Variants in KIAA2012 observed in about 807,000 individuals in gnomAD.
KIAA2012 encodes the protein uncharacterized protein KIAA2012.
A neutral mutation model predicts 150.6 loss-of-function variants in KIAA2012; 125 were observed. The ratio of observed to expected loss-of-function variants is 0.83; its 90% CI spans 0.72 to 0.96. The LOEUF is 0.96. KIAA2012 is among the 40% of genes least tolerant of loss of function. KIAA2012 has a pLI of 0.00. For synonymous variants in KIAA2012, 462 were observed against 504.7 expected, an observed-to-expected ratio of 0.92 and a Z score of 1.13; for missense variants, 1,219 against 1,354.9, an observed-to-expected ratio of 0.90 and a Z score of 1.57.
intron 15 of KIAA2012, chr2:202,179,129 TG>T: frequency 2.3e-6 from 1 of 443,436 alleles, no homozygotes; most frequent in Non-Finnish European, 4.2e-6. Context: ...GTTTTGAGGT[TG>T]GTTTTGTTTT....
intron 14 of KIAA2012, among the ~76,000 whole-genome samples, chr2:202,161,450 CAT>C (rs753353004): frequency 2.6e-4 from 39 of 152,084 alleles, no homozygotes; most frequent in East Asian, 5.8e-4. Context: ...AAAAATATAA[CAT>C]GTGCAATTTT....
Position 202,093,078 on chromosome 2 carries a change from C to T in KIAA2012, c.578C>T (p.Pro193Leu). The T allele has an allele frequency of 1.9e-6, 3 of 1,550,660 alleles. No homozygotes were observed. The highest frequency in any genetic ancestry group is 2.6e-6 in the Non-Finnish European group (3 of 1,146,978). ...CTCCAGGACAGTCAACTTAATGTAC[C>T]AAAGAAGCTCAGGCCACAACAAGAT... Reference protein sequence around the residue: ...VLLQDSQLNVPKKLRPQQDLS... With the variant: ...VLLQDSQLNVLKKLRPQQDLS... The change falls in exon 4 of 24, where the codon CCA (proline) becomes CTA (leucine). Residue 193 changes from proline to leucine, a missense_variant. By Grantham distance (98) the Pro-to-Leu change is moderately conservative (BLOSUM62 -3). Coordinates refer to ENST00000498697, the MANE Select transcript of KIAA2012 (RefSeq NM_001277372.4).
chr2:202,151,514 GCTCT>G (rs1157535175), intron 13 of KIAA2012, among the ~76,000 whole-genome samples: 2 of 151,768 alleles, frequency 1.3e-5, no homozygotes, highest in Admixed American at 1.3e-4. Context: ...TTGTCATCCA[GCTCT>G]CTCCTCAGAG....
At chr2:202,125,417 T>C in intron 12 of KIAA2012, 135 bp downstream of exon 12, 1 of 703,436 alleles carries the variant, frequency 1.4e-6, no homozygotes, top group Non-Finnish European at 2.4e-6. Flanking sequence ...GAGGATTTGC[T>C]TCTTGGAAAG....
At chr2:202,134,834 C>T (rs954558498) in intron 12 of KIAA2012, among the ~76,000 whole-genome samples, 4 of 152,224 alleles carry the variant, frequency 2.6e-5, no homozygotes, top group African/African-American at 9.6e-5. Context: ...GGATTACAGG[C>T]GTGAGCCACC....
In KIAA2012 at chr2:202,122,909, C is replaced by T. The variant is rs540552725; in HGVS notation, c.1763-2305C>T. Among the ~76,000 whole-genome samples the T allele has an allele frequency of 9.2e-5, 14 of 152,316 alleles. No homozygotes were observed. In the South Asian group the frequency reaches 2.7e-3, roughly 29 times the overall value. On this transcript the variant is annotated intron_variant, in intron 11 of 23. Transcript: ENST00000498697. ...ATTAAGCGAAAACAACAACTAAGGC[C>T]TGGAGCCCACATTGTCCCCACAGCA...
intron 14 of KIAA2012, among the ~76,000 whole-genome samples, chr2:202,157,681 C>A (rs1691557048): frequency 6.6e-6 from 1 of 152,188 alleles, no homozygotes; most frequent in African/African-American, 2.4e-5. Flanking sequence ...AAGTAACTTA[C>A]CGAATGTCAC....
At chr2:202,079,453 C>T (rs1689393705) in intron 2 of KIAA2012, among the ~76,000 whole-genome samples, 1 of 152,130 alleles carries the variant, frequency 6.6e-6, no homozygotes, top group African/African-American at 2.4e-5. Flanking sequence ...TGACTCAGGC[C>T]CCACCCAGAC....
intron 19 of KIAA2012, among the ~76,000 whole-genome samples, chr2:202,190,938 C>T (rs921672180): frequency 1.3e-5 from 2 of 152,136 alleles, no homozygotes; most frequent in African/African-American, 4.8e-5. Flanking sequence ...CTGCGGTATG[C>T]AGCTGGAATA....
At chr2:202,183,476 AT>A (rs71406950) in intron 15 of KIAA2012, among the ~76,000 whole-genome samples, 27,187 of 95,316 alleles carry the variant, frequency 0.29, 3,301 homozygotes, top group Non-Finnish European at 0.35. Context: ...GGTTTTTTAA[AT>A]TTTTTTTTTT....
chr2:202,203,220 T>C (rs1692563843), intron 23 of KIAA2012, among the ~76,000 whole-genome samples: 1 of 152,236 alleles, frequency 6.6e-6, no homozygotes, highest in African/African-American at 2.4e-5. Flanking sequence ...TCAGTCAATG[T>C]ATCTGAAAGA....
intron 21 of KIAA2012, among the ~76,000 whole-genome samples, chr2:202,194,625 A>G (rs1412098006): frequency 2.0e-5 from 1 of 48,984 alleles, no homozygotes; most frequent in Middle Eastern, 8.1e-3. Context: ...TAAATTGGAG[A>G]CACAGCCCTA....
chr2:202,184,549 G>GA (rs1692185787), intron 15 of KIAA2012, among the ~76,000 whole-genome samples: 1 of 152,062 alleles, frequency 6.6e-6, no homozygotes, highest in African/African-American at 2.4e-5. Context: ...TTTCCCAAAG[G>GA]ATATTTTAAT....
At chr2:202,201,493 A>G in intron 22 of KIAA2012, 1 of 1,604,412 alleles carries the variant, frequency 6.2e-7, no homozygotes, top group East Asian at 2.2e-5. Flanking sequence ...CTGGGAGGGC[A>G]TCCAGGAGGT....
At chr2:202,160,599 C>G (rs1288945752) in intron 14 of KIAA2012, among the ~76,000 whole-genome samples, 1 of 152,138 alleles carries the variant, frequency 6.6e-6, no homozygotes, top group Non-Finnish European at 1.5e-5. Context: ...AGGCGTGAGC[C>G]ACCACGCCCG....
rs199884850 is a variant in KIAA2012, at chr2:202,135,990, A to AT, written c.1832-2439dup. On this transcript the variant is annotated intron_variant, in intron 12 of 23. Transcript: ENST00000498697. ...CTCAGTTTCCCCCAAGCTGATTCAAATTTAAAAAAAAAAAAAATTTTTTTT... is the reference window on the plus strand; with the variant it reads ...CTCAGTTTCCCCCAAGCTGATTCAAATTTTAAAAAAAAAAAAAATTTTTTTT... 4.3e-3 allele frequency: 1,361 copies of AT among 315,118 alleles called. 20 individuals are homozygous for AT. Among genetic ancestry groups the AT allele is most frequent in the South Asian group, 0.021 (781 of 37,932 alleles). The allele number at this position is 315,118 out of a possible 1,614,324, so 19.5% of individuals were successfully genotyped here. A position where few individuals can be genotyped will look rare whatever the true frequency, so the allele number is the denominator to read the frequency against.
intron 8 of KIAA2012, 56 bp from the exon 9 acceptor site, chr2:202,105,705 C>T (rs533122196): frequency 5.2e-6 from 8 of 1,526,996 alleles, no homozygotes; most frequent in Non-Finnish European, 7.1e-6. Flanking sequence ...AAAGAAGAGA[C>T]ATTAGGCAAA....
rs760542447 is a variant in KIAA2012, at chr2:202,184,782, T to C, written c.2149T>C (p.Ser717Pro). 5 of 1,548,266 alleles carry C rather than the reference T, an allele frequency of 3.2e-6. No individual in the cohort carries two copies. The South Asian group carries it at 6.0e-5, about 18-fold the overall frequency. ...DPEPRSMTLDSPRASRTEHIQ... is the reference protein window; with the variant it reads ...DPEPRSMTLDPPRASRTEHIQ... ...AGAGCCAAGGAGTATGACCCTTGACTCTCCCAGGGCTTCCCGGACTGAGCA... is the reference window on the plus strand; with the variant it reads ...AGAGCCAAGGAGTATGACCCTTGACCCTCCCAGGGCTTCCCGGACTGAGCA... Residue 717 changes from serine to proline, a missense_variant, in exon 16 of 24, where the codon TCT (serine) becomes CCT (proline). Transcript: ENST00000498697.
chr2:202,145,342 C>G (rs1342513476), intron 13 of KIAA2012, among the ~76,000 whole-genome samples: 2 of 152,100 alleles, frequency 1.3e-5, no homozygotes, highest in Non-Finnish European at 2.9e-5. Flanking sequence ...TCTAAGCAAA[C>G]TTCATCTTCT....
Sources: allele counts gnomAD v4.1 joint callset (sites outside exome capture counted in the v4.1 genomes callset), GRCh38; gene constraint gnomAD v4.1.1; transcripts MANE v1.5; gene names NCBI Gene and HGNC (gene_info 2026-07-23, HGNC 2026-07-21).